Variants in SPATA13 observed in about 807,000 individuals in gnomAD.
SPATA13 encodes the protein spermatogenesis associated 13.
SPATA13 carries 50 observed loss-of-function variants against 104.0 expected under a neutral mutation model. The ratio of observed to expected loss-of-function variants is 0.48; its 90% CI spans 0.38 to 0.61. SPATA13 has a LOEUF of 0.61. Among genes scored for constraint, SPATA13 ranks in the 20% least tolerant of loss-of-function variants. The pLI, the probability that SPATA13 is intolerant of heterozygous loss-of-function variation, is 0.00. For missense variants in SPATA13, 1,524 were observed against 1,690.6 expected (o/e 0.90, Z 1.73); for synonymous variants, 606 against 667.5 (o/e 0.91, Z 1.42).
At position 24,224,081 on chromosome 13, in the gene SPATA13, T is replaced by C. The variant is rs1274031194; in HGVS notation, c.1152T>C (p.Thr384=). The C allele has an allele frequency of 1.3e-6, 2 of 1,550,918 alleles. No individual in the cohort carries two copies. The highest frequency in any genetic ancestry group is 2.7e-5 in the African/African-American group (2 of 73,046). Residue 384 remains threonine, a synonymous_variant, in exon 2 of 13, where the codon ACT becomes ACC. Coordinates refer to ENST00000382108, the MANE Select transcript of SPATA13 (RefSeq NM_001166271.3). ...RRGGAVMHGT[T]ATCTVAPGFG... ...GCGGGGCGGTCATGCATGGGACCAC[T>C]GCAACCTGCACCGTGGCCCCCGGTT...
Position 24,062,697 on chromosome 13 carries a change from A to C in SPATA13, c.-112+44996A>C, listed in dbSNP as rs114475516. On this transcript the variant is annotated intron_variant, in intron 3 of 14. Transcript: ENST00000424834. ...TCATGACTGCACCTGAGCTGTACTGAATAAGGGGTTGTGTGTGTGTATGTG... is the reference window on the plus strand; with the variant it reads ...TCATGACTGCACCTGAGCTGTACTGCATAAGGGGTTGTGTGTGTGTATGTG... Among the ~76,000 whole-genome samples the C allele has an allele frequency of 4.7e-3, 720 of 152,136 alleles. 3 individuals carry two copies. The highest frequency in any genetic ancestry group is 0.016 in the African/African-American group (671 of 41,528).
In SPATA13 at chr13:24,011,859, G is replaced by A. The variant is rs779237133; in HGVS notation, c.-146-5808G>A. ...GCCCACCTGCACAGGCAAACTTGGGGGACCATGAGGGATGATCCCACAGAC... is the reference window on the plus strand; with the variant it reads ...GCCCACCTGCACAGGCAAACTTGGGAGACCATGAGGGATGATCCCACAGAC... On this transcript the variant is annotated intron_variant, in intron 2 of 14. Coordinates refer to the SPATA13 transcript ENST00000424834. The surrounding 1 kb of genome is among the most constrained non-coding windows in gnomAD (Gnocchi z 4.3). Among the ~76,000 whole-genome samples the A allele has an allele frequency of 6.6e-6, 1 of 152,164 alleles. No individual in the cohort carries two copies.
chr13:24,083,442 G>A (rs1879611582), intron 3 of SPATA13, among the ~76,000 whole-genome samples: 1 of 152,170 alleles, frequency 6.6e-6, no homozygotes, highest in African/African-American at 2.4e-5. Flanking sequence ...CTTGGCCACA[G>A]GTGCTGCAGA....
intron 3 of SPATA13, among the ~76,000 whole-genome samples, chr13:24,098,072 A>G (rs112252232): frequency 1.3e-5 from 2 of 152,326 alleles, no homozygotes; most frequent in African/African-American, 2.4e-5. Flanking sequence ...GAAGGCTATT[A>G]AAGACCAGGC....
At chr13:24,172,853 C>T (rs1409163771) in intron 1 of SPATA13, among the ~76,000 whole-genome samples, 1 of 152,172 alleles carries the variant, frequency 6.6e-6, no homozygotes, top group Admixed American at 6.5e-5. Context: ...GTCTCTCCAT[C>T]AACATAAAAT....
At chr13:24,251,648 T>C in intron 3 of SPATA13, 70 bp from the exon 4 acceptor site, 1 of 1,581,512 alleles carries the variant, frequency 6.3e-7, no homozygotes, top group Non-Finnish European at 8.6e-7. Context: ...GAGAGCGCTA[T>C]GCGTGTGAGG....
chr13:24,088,815 A>T lies in SPATA13; in HGVS notation c.-112+71114A>T, dbSNP rs1237196228. Among the ~76,000 whole-genome samples the T allele has an allele frequency of 2.0e-5, 3 of 152,020 alleles. No individual in the cohort carries two copies. The highest frequency in any genetic ancestry group is 2.1e-4 in the South Asian group (1 of 4,812). ...TAACACCAAAGGCCAGAAATGTGTG[A>T]CCCCAGCTTCCGTCAGTGCTGGCTG... On this transcript the variant is annotated intron_variant, in intron 3 of 14. Coordinates refer to the SPATA13 transcript ENST00000424834. The surrounding 1 kb of genome is among the most constrained non-coding windows in gnomAD (Gnocchi z 4.3).
chr13:24,176,960 C>T (rs1031979983), intron 1 of SPATA13, among the ~76,000 whole-genome samples: 1 of 152,058 alleles, frequency 6.6e-6, no homozygotes, highest in Admixed American at 6.6e-5. Flanking sequence ...GACAGGGTTT[C>T]GTCATGTTGG....
chr13:24,180,795 CAT>C (rs1868751525), intron 1 of SPATA13, among the ~76,000 whole-genome samples: 1 of 152,056 alleles, frequency 6.6e-6, no homozygotes, highest in South Asian at 2.1e-4. Context: ...AGTCTATAGA[CAT>C]GTGATGGATT....
chr13:24,169,841 C>T (rs774688529), intron 1 of SPATA13, among the ~76,000 whole-genome samples: 10 of 152,308 alleles, frequency 6.6e-5, no homozygotes, highest in Admixed American at 2.6e-4. Flanking sequence ...TGCCTGGCTG[C>T]TCTGCCTGCA....
intron 4 of SPATA13, among the ~76,000 whole-genome samples, chr13:24,264,087 T>C (rs1874185112): frequency 6.6e-6 from 1 of 152,238 alleles, no homozygotes; most frequent in Non-Finnish European, 1.5e-5. Context: ...ATCGAGATTT[T>C]TTAGAAGGAA....
intron 2 of SPATA13, among the ~76,000 whole-genome samples, chr13:23,987,680 G>A (rs984782448): frequency 2.6e-5 from 4 of 152,116 alleles, no homozygotes; most frequent in South Asian, 2.1e-4. Context: ...GCAGTTCAGC[G>A]GCATTCAGCA....
Position 24,223,997 on chromosome 13 carries a change from G to A in SPATA13, c.1068G>A (p.Arg356=). 6.5e-7 allele frequency: 1 copy of A among 1,548,720 alleles called. No individual in the cohort carries two copies. The change falls in exon 2 of 13, where the codon CGG becomes CGA. Residue 356 remains arginine (R), a synonymous_variant. Coordinates refer to ENST00000382108, the MANE Select transcript of SPATA13 (RefSeq NM_001166271.3). ...GCCTGAGACTTCAGGCACACAGCCG[G>A]CTGCATGACGACTACTCCCGCCGCG... ...EASLRLQAHS[R]LHDDYSRRVS...
rs1371876337 is a variant in SPATA13, at chr13:24,286,768, C to G, written c.2485C>G (p.Arg829Gly). ...GTCCCCTGTATGTGGGTTGCAGTTG[C>G]GAGTGAATCAGGAAGAGCTGTCGGA... Reference protein sequence around the residue: ...AWFPASFVRLRVNQEELSENS... With the variant: ...AWFPASFVRLGVNQEELSENS... The change falls in exon 7 of 13, where the codon CGA becomes GGA. Residue 829 changes from arginine to glycine, a missense_variant. Around this residue, in one of 2 missense-constraint regions of SPATA13, gnomAD observed 1,089 missense variants for 1,135.9 expected, o/e 0.96. Transcript: ENST00000382108. This position sits in a 1 kb window ranked among gnomAD's most constrained non-coding sequence, Gnocchi z 4.9. 1 of 1,613,332 alleles carries G rather than the reference C, an allele frequency of 6.2e-7. No homozygotes were observed. Among genetic ancestry groups the G allele is most frequent in the South Asian group, 1.1e-5 (1 of 91,028 alleles).
rs149082808 is a variant in SPATA13 at position 24,247,632 on chromosome 13, G to C, written c.1654-1845G>C. 7.8e-4 allele frequency among the ~76,000 whole-genome samples: 118 copies of C among 152,004 alleles called. 3 individuals are homozygous for C. The East Asian group carries it at 0.022, about 28-fold the overall frequency. On this transcript the variant is annotated intron_variant, in intron 2 of 12. Coordinates refer to ENST00000382108, the MANE Select transcript of SPATA13 (RefSeq NM_001166271.3). Reference sequence around the variant, plus strand: ...CAAGTAGCTGGGATTACAGGCACCTGTCACCACACCTGGCTAATTTTTTTG... The same window carrying C: ...CAAGTAGCTGGGATTACAGGCACCTCTCACCACACCTGGCTAATTTTTTTG...
intron 2 of SPATA13, among the ~76,000 whole-genome samples, chr13:24,247,774 G>A (rs1015438813): frequency 6.6e-6 from 1 of 152,052 alleles, no homozygotes; most frequent in Non-Finnish European, 1.5e-5. Context: ...TGAGCCACCC[G>A]CCCGGGCTCT....
rs1047487164 is a variant in SPATA13 at position 24,153,450 on chromosome 13, G to A, written c.-111-69369G>A. ...ACAAGGAATAAATAATAGAGCTAGG[G>A]TTCTGCTAGTACATGACAGAGAAGT... is the stretch of plus-strand genomic sequence containing the variant. On this transcript the variant is annotated intron_variant, in intron 3 of 14. Transcript: ENST00000424834. Among the ~76,000 whole-genome samples, 136 of 152,196 alleles carry A rather than the reference G, an allele frequency of 8.9e-4. 1 individual carries two copies. The highest frequency in any genetic ancestry group is 3.2e-3 in the African/African-American group (131 of 41,442).
chr13:24,089,320 C>A (rs1879840754), intron 3 of SPATA13, among the ~76,000 whole-genome samples: 1 of 152,180 alleles, frequency 6.6e-6, no homozygotes, highest in South Asian at 2.1e-4. Flanking sequence ...CCCCCACACA[C>A]CACTCGGACC....
intron 1 of SPATA13, among the ~76,000 whole-genome samples, chr13:24,168,848 A>T (rs59147518): frequency 2.0e-5 from 3 of 152,114 alleles, no homozygotes; most frequent in African/African-American, 7.3e-5. Context: ...TAATTTTAAA[A>T]ATTTGAAGTT....
Sources: gnomAD v4.1 joint callset for allele counts (sites outside exome capture counted in the v4.1 genomes callset) on GRCh38, gnomAD v4.1.1 for gene constraint, gnomAD v4.1.1 regional missense constraint, Gnocchi (gnomAD v3.1) non-coding constraint, MANE v1.5 for transcripts, NCBI Gene and HGNC (gene_info 2026-07-23, HGNC 2026-07-21) for gene names.